The following ZNF407 variants were observed in gnomAD, a reference collection of about 807,000 sequenced individuals.
The protein encoded by ZNF407 is zinc finger protein 407.
Under a neutral mutation model 131.2 loss-of-function variants are expected in ZNF407, and 17 were observed. The observed-to-expected ratio is 0.13, with a 90% confidence interval of 0.09 to 0.19. ZNF407 has a LOEUF of 0.19. Among genes scored for constraint, ZNF407 ranks in the 10% least tolerant of loss-of-function variants. The pLI is 1.00. For missense variants in ZNF407, 2,681 were observed against 2,830.6 expected, an observed-to-expected ratio of 0.95 and a Z score of 1.20; for synonymous variants, 1,156 against 1,062.0, an observed-to-expected ratio of 1.09 and a Z score of -1.72.
intron 4 of ZNF407, among the ~76,000 whole-genome samples, chr18:74,857,187 A>G (rs1346750342): frequency 6.6e-6 from 1 of 152,232 alleles, no homozygotes; most frequent in African/African-American, 2.4e-5. Context: ...GTACACCAGC[A>G]GCAATGACTA....
chr18:74,720,927 C>CTTTTT (rs34746909), intron 3 of ZNF407, among the ~76,000 whole-genome samples: 4 of 143,632 alleles, frequency 2.8e-5, no homozygotes, highest in African/African-American at 2.5e-5. Flanking sequence ...ATACCTTCAG[C>CTTTTT]TTTTTTTTTT....
chr18:74,840,181 T>C (rs1467648894), intron 4 of ZNF407, among the ~76,000 whole-genome samples: 1 of 152,186 alleles, frequency 6.6e-6, no homozygotes. Context: ...CGTACCTTAC[T>C]AGTAACTCCT....
At chr18:74,651,928 T>G (rs527923471) in intron 3 of ZNF407, among the ~76,000 whole-genome samples, 2 of 152,124 alleles carry the variant, frequency 1.3e-5, no homozygotes, top group Non-Finnish European at 2.9e-5. Context: ...TCATTGTAAC[T>G]TCAATGTTAT....
intron 8 of ZNF407, among the ~76,000 whole-genome samples, chr18:75,058,980 A>C (rs1973593378): frequency 6.6e-6 from 1 of 152,198 alleles, no homozygotes; most frequent in Admixed American, 6.5e-5. Flanking sequence ...ACAGCACTCG[A>C]AGTTATTAAA....
intron 3 of ZNF407, among the ~76,000 whole-genome samples, chr18:74,641,555 A>G (rs1984719385): frequency 1.3e-5 from 2 of 152,206 alleles, no homozygotes; most frequent in Admixed American, 6.5e-5. Flanking sequence ...GGAAAGCAAC[A>G]AAAGATTTAA....
intron 4 of ZNF407, among the ~76,000 whole-genome samples, chr18:74,832,725 CATCA>C (rs1970502770): frequency 6.6e-6 from 1 of 152,172 alleles, no homozygotes; most frequent in Admixed American, 6.5e-5. Context: ...TCTAAACTTT[CATCA>C]ATAGTAACAA....
In ZNF407 at chr18:75,064,574, C is replaced by A; in HGVS notation, c.*106C>A. On this transcript the variant is annotated 3_prime_UTR_variant, in exon 9 of 9. Coordinates refer to ENST00000299687, the MANE Select transcript of ZNF407 (RefSeq NM_017757.3). The stretch of plus-strand genomic sequence containing the variant: ...TCTGAAACCTTCAAAACCATGAGGA[C>A]AAGGCTCCCGTGAGCTCTGAGCATG... 9.1e-7 allele frequency: 1 copy of A among 1,101,462 alleles called. No individual in the cohort carries two copies. Among genetic ancestry groups the A allele is most frequent in the Non-Finnish European group, 1.3e-6 (1 of 795,110 alleles). 68.2% of individuals were successfully genotyped at this position (1,101,462 alleles called of 1,614,324 possible). A position where few individuals can be genotyped will look rare whatever the true frequency, so the allele number is the denominator to read the frequency against.
At chr18:74,938,006 C>T (rs1972057326) in intron 8 of ZNF407, among the ~76,000 whole-genome samples, 1 of 152,132 alleles carries the variant, frequency 6.6e-6, no homozygotes, top group Non-Finnish European at 1.5e-5. Flanking sequence ...GCATAATGCT[C>T]ATATTCAGGA....
intron 7 of ZNF407, among the ~76,000 whole-genome samples, chr18:74,894,112 G>A (rs530328226): frequency 6.6e-6 from 1 of 151,996 alleles, no homozygotes; most frequent in Non-Finnish European, 1.5e-5. Context: ...TTTCAAGTTT[G>A]CATTATTAAT....
chr18:75,024,256 A>G (rs1973145696), intron 8 of ZNF407, among the ~76,000 whole-genome samples: 1 of 152,162 alleles, frequency 6.6e-6, no homozygotes, highest in African/African-American at 2.4e-5. Flanking sequence ...TTCATTTGTT[A>G]AGAGGGAGAA....
In ZNF407 at chr18:74,630,995, T is replaced by C. The variant is rs751443242; in HGVS notation, c.-25T>C. The stretch of plus-strand genomic sequence containing the variant: ...ATGAGTGCCAGTGAGCCGCCTTAGA[T>C]AGAAGCATCGTCAGCACTTTATTAA... On this transcript the variant is annotated 5_prime_UTR_variant, in exon 2 of 9. Transcript: ENST00000299687. 3.2e-6 allele frequency: 5 copies of C among 1,580,124 alleles called. No homozygotes were observed. Among genetic ancestry groups the C allele is most frequent in the Admixed American group, 3.6e-5 (2 of 55,140 alleles).
intron 4 of ZNF407, among the ~76,000 whole-genome samples, chr18:74,876,043 C>T (rs1453400622): frequency 1.3e-5 from 2 of 151,834 alleles, no homozygotes; most frequent in Non-Finnish European, 2.9e-5. Context: ...TTATTTGGAC[C>T]CTGGGATTCT....
chr18:74,770,095 A>T (rs1969329625), intron 3 of ZNF407, among the ~76,000 whole-genome samples: 1 of 152,152 alleles, frequency 6.6e-6, no homozygotes. Flanking sequence ...GTTGGTTCAC[A>T]TGAAGCATAC....
In ZNF407 at chr18:74,634,275, G is replaced by C. The variant is rs1368584079; in HGVS notation, c.3256G>C (p.Gly1086Arg). 1.9e-6 allele frequency: 3 copies of C among 1,613,886 alleles called. No individual in the cohort carries two copies. The African/African-American group carries it at 4.0e-5, about 22-fold the overall frequency. The change falls in exon 2 of 9, where the codon GGT becomes CGT. Residue 1086 changes from glycine (G) to arginine (R), a missense_variant. By Grantham distance (125) the Gly-to-Arg change is moderately radical. Around this residue, in one of 6 missense-constraint regions of ZNF407, gnomAD observed 1,789 missense variants for 1,748.7 expected, o/e 1.02. Transcript: ENST00000299687. ...TCTCAACTCTGCTAATGTAGAAGCT[G>C]GTTCTGCAGACATGTCCAAAAACAT... ...SYLNSANVEA[G>R]SADMSKNIIM...
At chr18:74,708,790 G>A (rs1203887012) in intron 3 of ZNF407, among the ~76,000 whole-genome samples, 1 of 152,228 alleles carries the variant, frequency 6.6e-6, no homozygotes, top group Non-Finnish European at 1.5e-5. Context: ...ATTTACATGT[G>A]TGCTAATTAG....
At chr18:74,794,224 G>A (rs1030390899) in intron 4 of ZNF407, among the ~76,000 whole-genome samples, 2 of 152,118 alleles carry the variant, frequency 1.3e-5, no homozygotes, top group African/African-American at 4.8e-5. Context: ...GCGTCTTCAC[G>A]TGTGTATTTT....
intron 3 of ZNF407, among the ~76,000 whole-genome samples, chr18:74,774,784 G>C (rs1969433453): frequency 1.3e-5 from 2 of 152,180 alleles, no homozygotes; most frequent in Admixed American, 1.3e-4. Context: ...GTATTTTCTT[G>C]AGTGTGATCT....
chr18:74,693,706 C>T (rs547154779), intron 3 of ZNF407, among the ~76,000 whole-genome samples: 4 of 152,180 alleles, frequency 2.6e-5, no homozygotes, highest in South Asian at 2.1e-4. Flanking sequence ...TTGCTTTCTT[C>T]TGTGTTCATC....
intron 3 of ZNF407, among the ~76,000 whole-genome samples, chr18:74,745,221 A>G (rs9951437): frequency 0.95 from 144,819 of 152,172 alleles, 69,300 homozygotes; most frequent in East Asian, 1. Flanking sequence ...TGAATTAAAA[A>G]GTTCCTAGGA....
Sources: allele counts gnomAD v4.1 joint callset (sites outside exome capture counted in the v4.1 genomes callset), GRCh38; gene constraint gnomAD v4.1.1; regional missense constraint gnomAD v4.1.1; transcripts MANE v1.5; gene names NCBI Gene and HGNC (gene_info 2026-07-23, HGNC 2026-07-21).